The following MSRA variants were observed in gnomAD, a reference collection of about 807,000 sequenced individuals.
The protein encoded by MSRA is mitochondrial peptide methionine sulfoxide reductase.
Under a neutral mutation model 31.3 loss-of-function variants are expected in MSRA, and 54 were observed. The observed-to-expected ratio is 1.73, with a 90% CI of 1.39 to 2.17. The LOEUF (loss-of-function observed/expected upper bound fraction) is 2.17. MSRA is among the 30% of genes most tolerant of loss of function. The pLI is 0.00. For synonymous variants in MSRA, 169 were observed against 116.5 expected, an observed-to-expected ratio of 1.45 and a Z score of -2.90; for missense variants, 507 against 300.9, an observed-to-expected ratio of 1.69 and a Z score of -5.07.
chr8:10,255,692 A>T (rs1056939123), intron 3 of MSRA, among the ~76,000 whole-genome samples: 1 of 151,974 alleles, frequency 6.6e-6, no homozygotes, highest in Non-Finnish European at 1.5e-5. Context: ...GCTCTGGGGA[A>T]CAATCATCTG....
chr8:10,378,070 G>A (rs987288198), intron 5 of MSRA, among the ~76,000 whole-genome samples: 1 of 152,222 alleles, frequency 6.6e-6, no homozygotes, highest in Non-Finnish European at 1.5e-5. Flanking sequence ...TCAGTGGCTC[G>A]ACATTGGCAG....
At chr8:10,127,338 G>A (rs939748549) in intron 1 of MSRA, among the ~76,000 whole-genome samples, 1 of 152,162 alleles carries the variant, frequency 6.6e-6, no homozygotes, top group Non-Finnish European at 1.5e-5. Flanking sequence ...TACGGACTAT[G>A]TTCAATTTTG....
intron 3 of MSRA, among the ~76,000 whole-genome samples, chr8:10,292,099 G>A (rs1290787224): frequency 6.6e-6 from 1 of 152,182 alleles, no homozygotes; most frequent in Non-Finnish European, 1.5e-5. Flanking sequence ...ACCTTTCTCT[G>A]CATAGTAGCC....
chr8:10,088,889 G>C (rs528109266), intron 1 of MSRA, among the ~76,000 whole-genome samples: 1 of 152,274 alleles, frequency 6.6e-6, no homozygotes, highest in South Asian at 2.1e-4. Flanking sequence ...CACAGAGAGA[G>C]AAATATTACA....
intron 5 of MSRA, chr8:10,337,924 A>G: frequency 1.5e-6 from 1 of 648,844 alleles, no homozygotes; most frequent in South Asian, 1.7e-5. Context: ...TTTCTGATGC[A>G]AGACTAATAA....
chr8:10,206,374 A>C (rs1015509003), intron 1 of MSRA, among the ~76,000 whole-genome samples: 8 of 152,156 alleles, frequency 5.3e-5, no homozygotes, highest in Admixed American at 1.3e-4. Context: ...CCTTGCCCTC[A>C]GAACCCTGGG....
chr8:10,277,950 G>C (rs1799412742), intron 3 of MSRA, among the ~76,000 whole-genome samples: 1 of 152,112 alleles, frequency 6.6e-6, no homozygotes, highest in Non-Finnish European at 1.5e-5. Flanking sequence ...ACCTATGAAG[G>C]AATTGTAAGA....
chr8:10,096,165 A>C (rs1172300234), intron 1 of MSRA: 1 of 1,245,996 alleles, frequency 8.0e-7, no homozygotes, highest in Non-Finnish European at 1.0e-6. Context: ...TGTTTTATCC[A>C]TGTGTTTAAG....
Position 10,334,438 on chromosome 8 carries a change from G to C in MSRA, c.543+14449G>C, listed in dbSNP as rs78317928. ...TAGGATCAGAGAAACTACCGGGGGCGGGGGGGAGGTGCAGGGACGCTTTTA... is the reference window on the plus strand; with the variant it reads ...TAGGATCAGAGAAACTACCGGGGGCCGGGGGGAGGTGCAGGGACGCTTTTA... On this transcript the variant is annotated intron_variant, in intron 5 of 5. Coordinates refer to ENST00000317173, the MANE Select transcript of MSRA (RefSeq NM_012331.5). Among the ~76,000 whole-genome samples the C allele has an allele frequency of 2.0e-5, 3 of 152,002 alleles. No individual in the cohort carries two copies. The East Asian group carries it at 5.8e-4, about 29-fold the overall frequency.
intron 5 of MSRA, among the ~76,000 whole-genome samples, chr8:10,422,031 A>G (rs886267273): frequency 3.3e-5 from 5 of 152,176 alleles, no homozygotes; most frequent in African/African-American, 1.2e-4. Flanking sequence ...CTGTAATCCC[A>G]GCACTTTGGG....
At chr8:10,253,294 A>T (rs117329957) in intron 3 of MSRA, among the ~76,000 whole-genome samples, 47 of 152,322 alleles carry the variant, frequency 3.1e-4, no homozygotes, top group Non-Finnish European at 6.0e-4. Context: ...AGACTATTGC[A>T]TGTGCTACGT....
chr8:10,186,508 G>C (rs929389071), intron 1 of MSRA, among the ~76,000 whole-genome samples: 7 of 152,162 alleles, frequency 4.6e-5, no homozygotes, highest in Admixed American at 1.3e-4. Context: ...ACCACTCTTA[G>C]CTCATAGGCT....
chr8:10,228,991 TGAG>T (rs1356191819), intron 2 of MSRA, among the ~76,000 whole-genome samples: 1 of 152,154 alleles, frequency 6.6e-6, no homozygotes, highest in African/African-American at 2.4e-5. Context: ...CAGTTAAAGT[TGAG>T]GAGAAGAAAA....
At chr8:10,295,271 A>G (rs1056036734) in intron 3 of MSRA, among the ~76,000 whole-genome samples, 1 of 152,016 alleles carries the variant, frequency 6.6e-6, no homozygotes, top group Admixed American at 6.5e-5. Context: ...TTCAAGGCTC[A>G]AGCAGTGGAC....
intron 1 of MSRA, among the ~76,000 whole-genome samples, chr8:10,192,666 C>G (rs1000852747): frequency 1.3e-5 from 2 of 152,184 alleles, no homozygotes; most frequent in Non-Finnish European, 2.9e-5. Context: ...TTCTTTTCCC[C>G]TATCCTAGCT....
At chr8:10,062,670 C>T (rs1262724152) in intron 1 of MSRA, among the ~76,000 whole-genome samples, 1 of 152,186 alleles carries the variant, frequency 6.6e-6, no homozygotes, top group African/African-American at 2.4e-5. Flanking sequence ...GAGCATAGTG[C>T]ACTGAAGGGT....
At chr8:10,346,472 A>T (rs111348080) in intron 5 of MSRA, among the ~76,000 whole-genome samples, 1 of 152,170 alleles carries the variant, frequency 6.6e-6, no homozygotes, top group South Asian at 2.1e-4. Flanking sequence ...ACATGCTGAT[A>T]TGGAAATAAA....
At chr8:10,294,430 A>G (rs1198059439) in intron 3 of MSRA, among the ~76,000 whole-genome samples, 3 of 152,160 alleles carry the variant, frequency 2.0e-5, no homozygotes, top group Middle Eastern at 3.2e-3. Context: ...CAGTCCCCTG[A>G]GGTGGGTGCT....
intron 1 of MSRA, among the ~76,000 whole-genome samples, chr8:10,107,631 A>C (rs374655744): frequency 3.9e-5 from 6 of 152,184 alleles, no homozygotes; most frequent in Admixed American, 1.3e-4. Flanking sequence ...GCAAAAGAAA[A>C]CCACAAAAAC....
Sources: allele counts gnomAD v4.1 joint callset (sites outside exome capture counted in the v4.1 genomes callset), GRCh38; gene constraint gnomAD v4.1.1; transcripts MANE v1.5; gene names NCBI Gene and HGNC (gene_info 2026-07-23, HGNC 2026-07-21).